NIN: variants seen among roughly 807,000 people sequenced by gnomAD.
The protein encoded by NIN is ninein.
Under a neutral mutation model 257.6 loss-of-function variants are expected in NIN, and 137 were observed. The ratio of observed to expected loss-of-function variants is 0.53; its 90% CI spans 0.46 to 0.61. NIN has a LOEUF of 0.61. Among genes scored for constraint, NIN ranks in the 20% least tolerant of loss-of-function variants. The probability of loss-of-function intolerance (pLI) is 0.00; values close to 1 mark genes in which losing one functional copy is unlikely to be tolerated. For missense variants in NIN, 2,439 were observed against 2,501.2 expected (o/e 0.98, Z 0.53); for synonymous variants, 918 against 919.8 (o/e 1.00, Z 0.04).
At chr14:50,742,360 GT>G (rs2041325458) in intron 24 of NIN, 1 of 151,890 alleles carries the variant, frequency 6.6e-6, no homozygotes, top group Non-Finnish European at 1.5e-5. Flanking sequence ...GCAGCAAGTG[GT>G]GATCCAGCCT....
rs778543937 is a variant in NIN, at chr14:50,741,611, G to A, written c.5419C>T (p.His1807Tyr). The change falls in exon 25 of 31, where the codon CAT (histidine) becomes TAT (tyrosine). Residue 1807 changes from histidine (H) to tyrosine (Y), a missense_variant. Transcript: ENST00000530997. ...EALKQEVMSL[H>Y]KQLQNAGGKS... ...CCACCAGCATTCTGAAGTTGCTTAT[G>A]TAAAGACATCACTTCTTGTTTTAAA... 24 of 1,613,976 alleles carry A rather than the reference G, an allele frequency of 1.5e-5. No homozygotes were observed. Among genetic ancestry groups the A allele is most frequent in the Non-Finnish European group, 1.7e-5 (20 of 1,180,000 alleles).
At chr14:50,787,922 T>C (rs77266960) in intron 5 of NIN, among the ~76,000 whole-genome samples, 2 of 152,324 alleles carry the variant, frequency 1.3e-5, no homozygotes, top group East Asian at 3.9e-4. Context: ...CTAGGTTATA[T>C]ATTTTCTGTT....
chr14:50,743,737 T>C (rs2041402526), intron 23 of NIN, among the ~76,000 whole-genome samples: 1 of 152,170 alleles, frequency 6.6e-6, no homozygotes, highest in African/African-American at 2.4e-5. Context: ...AGTTGCTTCT[T>C]TTTGGAAATT....
intron 12 of NIN, among the ~76,000 whole-genome samples, chr14:50,768,029 A>G (rs2042576390): frequency 6.7e-6 from 1 of 148,646 alleles, no homozygotes; most frequent in Admixed American, 6.8e-5. Flanking sequence ...TATTTTTAAG[A>G]AAGATTTCCA....
chr14:50,831,462 A>C (rs991742442), upstream of NIN, among the ~76,000 whole-genome samples: 3 of 151,960 alleles, frequency 2.0e-5, no homozygotes, highest in Non-Finnish European at 4.4e-5. Context: ...ACTCACCCGC[A>C]CCGCGGACAC....
At chr14:50,761,650 C>A in intron 16 of NIN, 140 bp downstream of exon 16, 1 of 870,398 alleles carries the variant, frequency 1.1e-6, no homozygotes, top group East Asian at 2.5e-5. Flanking sequence ...TGCTGTCAGC[C>A]TACAAAACCA....
Position 50,773,209 on chromosome 14 carries a change from T to C in NIN, c.667-114A>G, listed in dbSNP as rs549159478. The stretch of plus-strand genomic sequence containing the variant: ...GGTTGGTCCCAGGACTCCAGAAATA[T>C]AATTATGCCCCTTTATTCTCACTTT... On this transcript the variant is annotated intron_variant, in intron 7 of 30. Coordinates refer to ENST00000530997, the MANE Select transcript of NIN (RefSeq NM_020921.4). 78 of 668,064 alleles carry C rather than the reference T, an allele frequency of 1.2e-4. 1 individual carries two copies. In the South Asian group the frequency reaches 1.7e-3, roughly 14 times the overall value. The allele number at this position is 668,064 out of a possible 1,614,324, so 41.4% of individuals were successfully genotyped here. A position where few individuals can be genotyped will look rare whatever the true frequency, so the allele number is the denominator to read the frequency against.
At chr14:50,821,847 A>C in intron 3 of NIN, 27 bp downstream of exon 3, 1 of 1,593,088 alleles carries the variant, frequency 6.3e-7, no homozygotes. Context: ...CCCACTTCCC[A>C]TAGCCACGTT....
In NIN at chr14:50,722,166, A is replaced by G. The variant is rs570505397; in HGVS notation, c.*1297T>C. 6 of 227,930 alleles carry G rather than the reference A, an allele frequency of 2.6e-5. No homozygotes were observed. Among genetic ancestry groups the G allele is most frequent in the African/African-American group, 1.1e-4 (5 of 45,152 alleles). The allele number at this position is 227,930 out of a possible 1,614,324, so 14.1% of individuals were successfully genotyped here. ...CTAGCAGAGATTATAATTGGAAGAA[A>G]AAAAAGGTTACCGAATCTAAAATGT... On this transcript the variant is annotated 3_prime_UTR_variant, in exon 31 of 31. Coordinates refer to ENST00000530997, the MANE Select transcript of NIN (RefSeq NM_020921.4).
Position 50,743,505 on chromosome 14 carries a change from G to A in NIN, c.5212C>T (p.His1738Tyr), listed in dbSNP as rs146564518. 1 of 1,613,274 alleles carries A rather than the reference G, an allele frequency of 6.2e-7. No homozygotes were observed. Among genetic ancestry groups the A allele is most frequent in the Non-Finnish European group, 8.5e-7 (1 of 1,179,274 alleles). The change falls in exon 24 of 31, where the codon CAT becomes TAT. Residue 1738 changes from histidine (H) to tyrosine (Y), a missense_variant. This residue lies in a region of NIN where 2,043 missense variants were observed against 2,050.2 expected (regional missense o/e 1.00). Coordinates refer to ENST00000530997, the MANE Select transcript of NIN (RefSeq NM_020921.4). ...DKLAKSSLLE[H>Y]RIATMKQEQK... The stretch of plus-strand genomic sequence containing the variant: ...TCCTGCTTCATCGTCGCAATTCTAT[G>A]CTCTAAAAGACTTGATTTTGCCAAC...
intron 7 of NIN, among the ~76,000 whole-genome samples, chr14:50,776,218 G>A (rs1399959396): frequency 2.6e-5 from 4 of 152,036 alleles, no homozygotes; most frequent in East Asian, 1.9e-4. Context: ...CTATTCTTAT[G>A]TTTCACAGCT....
chr14:50,796,310 A>T (rs930673821), intron 4 of NIN, among the ~76,000 whole-genome samples: 3 of 152,170 alleles, frequency 2.0e-5, no homozygotes, highest in Non-Finnish European at 4.4e-5. Flanking sequence ...TAGTTTAATG[A>T]TCTAGGTTTT....
chr14:50,831,231 C>A (rs1330985346), upstream of NIN: 1 of 151,464 alleles, frequency 6.6e-6, no homozygotes, highest in Non-Finnish European at 1.5e-5. Context: ...GCGGCCCGCG[C>A]GGCTCAGGCA....
intron 4 of NIN, among the ~76,000 whole-genome samples, chr14:50,800,007 TACACACACACACACACAC>T (rs71118902): frequency 0.041 from 6,054 of 148,246 alleles, 139 homozygotes; most frequent in Non-Finnish European, 0.045. Context: ...TATATACACA[TACACACACACACACACAC>T]ACACACACAC....
At chr14:50,765,765 A>G (rs1377420511) in intron 14 of NIN, among the ~76,000 whole-genome samples, 1 of 151,422 alleles carries the variant, frequency 6.6e-6, no homozygotes, top group Non-Finnish European at 1.5e-5. Context: ...ACAAAACCAA[A>G]TCACGTCAGA....
chr14:50,734,118 C>T (rs1181804386), intron 28 of NIN, among the ~76,000 whole-genome samples: 1 of 148,370 alleles, frequency 6.7e-6, no homozygotes, highest in African/African-American at 2.5e-5. Context: ...GAGATGGAGT[C>T]CGGCATTGTT....
chr14:50,727,280 AAGATTT>A (rs2040455433), intron 29 of NIN: 1 of 976,412 alleles, frequency 1.0e-6, no homozygotes, highest in African/African-American at 1.7e-5. Flanking sequence ...TCCTGTCAAA[AAGATTT>A]GTACATCTTA....
intron 5 of NIN, among the ~76,000 whole-genome samples, chr14:50,791,867 T>C (rs1471837562): frequency 1.3e-5 from 2 of 149,244 alleles, no homozygotes; most frequent in African/African-American, 2.5e-5. Context: ...ACAGACCACT[T>C]TCAGAAAGTT....
intron 2 of NIN, among the ~76,000 whole-genome samples, chr14:50,829,802 T>G (rs2142603545): frequency 6.6e-6 from 1 of 152,296 alleles, no homozygotes; most frequent in East Asian, 1.9e-4. Flanking sequence ...TCTATCTCTT[T>G]TAACTTCGCA....
Sources: gnomAD v4.1 joint callset for allele counts (sites outside exome capture counted in the v4.1 genomes callset) on GRCh38, gnomAD v4.1.1 for gene constraint, gnomAD v4.1.1 regional missense constraint, MANE v1.5 for transcripts, NCBI Gene and HGNC (gene_info 2026-07-23, HGNC 2026-07-21) for gene names.